The following GALNT18 variants were observed in gnomAD, a reference collection of about 807,000 sequenced individuals.
GALNT18 encodes the protein polypeptide N-acetylgalactosaminyltransferase 18, also known as GalNAc-transferase 18.
A neutral mutation model predicts 69.5 loss-of-function variants in GALNT18; 44 were observed. The observed-to-expected ratio is 0.63, with a 90% CI of 0.50 to 0.81. The LOEUF is 0.81. GALNT18 is among the 40% of genes least tolerant of loss of function. The pLI, the probability that GALNT18 is intolerant of heterozygous loss-of-function variation, is 0.00. For synonymous variants in GALNT18, 364 were observed against 318.2 expected (o/e 1.14, Z -1.53); for missense variants, 715 against 810.0 (o/e 0.88, Z 1.42).
rs535708079 is a variant in GALNT18 at position 11,590,094 on chromosome 11, G to A, written c.235+31265C>T. Reference sequence around the variant, plus strand: ...ACCAATGCAGCATGGTCATGTGGCAGACACTGCTGTGTGTTCACTAAAACC... The same window carrying A: ...ACCAATGCAGCATGGTCATGTGGCAAACACTGCTGTGTGTTCACTAAAACC... On this transcript the variant is annotated intron_variant, in intron 1 of 10. Transcript: ENST00000227756. The surrounding 1 kb of genome is among the most constrained non-coding windows in gnomAD (Gnocchi z 4.4). 1.3e-5 allele frequency among the ~76,000 whole-genome samples: 2 copies of A among 152,366 alleles called. No homozygotes were observed. Among genetic ancestry groups the A allele is most frequent in the East Asian group, 3.9e-4 (2 of 5,188 alleles).
rs1267905503 is a variant in GALNT18 at position 11,320,688 on chromosome 11, T to C, written c.1512+6398A>G. Among the ~76,000 whole-genome samples, 1 of 152,118 alleles carries C rather than the reference T, an allele frequency of 6.6e-6. No individual in the cohort carries two copies. The highest frequency in any genetic ancestry group is 1.5e-5 in the Non-Finnish European group (1 of 68,010). ...GGAAGCCTTGCCAGACAGCAGCCCC[T>C]TACCTTTCACTCATCCCCTGCCCCT... is the stretch of plus-strand genomic sequence containing the variant. On this transcript the variant is annotated intron_variant, in intron 9 of 10. Transcript: ENST00000227756. This position sits in a 1 kb window ranked among gnomAD's most constrained non-coding sequence, Gnocchi z 4.9.
Position 11,372,539 on chromosome 11 carries a change from G to A in GALNT18, c.1068C>T (p.Gly356=), listed in dbSNP as rs373710256. The A allele has an allele frequency of 2.2e-5, 35 of 1,613,922 alleles. No individual in the cohort carries two copies. In the Middle Eastern group the frequency reaches 4.9e-4, roughly 23 times the overall value. The change falls in exon 6 of 11, where the codon GGC becomes GGT. Residue 356 remains glycine (G), a synonymous_variant. Transcript: ENST00000227756. This position sits in a 1 kb window ranked among gnomAD's most constrained non-coding sequence, Gnocchi z 4.9. ...CCCTGATCCCAAGCTCCACATTCTCGCCCCCGTAGACTTCCATGCCTTCGT... is the reference window on the plus strand; with the variant it reads ...CCCTGATCCCAAGCTCCACATTCTCACCCCCGTAGACTTCCATGCCTTCGT... ...LLDEGMEVYG[G]ENVELGIRVW... is the part of the protein sequence containing the mutation.
Position 11,274,429 on chromosome 11 carries a change from C to T in GALNT18, c.1678-3139G>A, listed in dbSNP as rs147043783. Among the ~76,000 whole-genome samples, 18 of 152,288 alleles carry T rather than the reference C, an allele frequency of 1.2e-4. No homozygotes were observed. The East Asian group carries it at 1.5e-3, about 13-fold the overall frequency. ...TCCCACTCCCACAGAGCCCAGCAAG[C>T]GAAAATCCACTGGCTTGAAATTCTC... On this transcript the variant is annotated intron_variant, in intron 10 of 10. Coordinates refer to ENST00000227756, the MANE Select transcript of GALNT18 (RefSeq NM_198516.3).
In GALNT18 at chr11:11,541,371, C is replaced by T. The variant is rs12280676; in HGVS notation, c.235+79988G>A. The stretch of plus-strand genomic sequence containing the variant: ...TCACCACCGTTATGATGATGATCTC[C>T]GCCTTCAGTACCTCTCCCTGGCTCT... On this transcript the variant is annotated intron_variant, in intron 1 of 10. Coordinates refer to ENST00000227756, the MANE Select transcript of GALNT18 (RefSeq NM_198516.3). This position sits in a 1 kb window ranked among gnomAD's most constrained non-coding sequence, Gnocchi z 4.8. Among the ~76,000 whole-genome samples the T allele has an allele frequency of 3.9e-3, 591 of 152,270 alleles. 3 individuals are homozygous for T. Among genetic ancestry groups the T allele is most frequent in the African/African-American group, 0.013 (526 of 41,544 alleles).
intron 10 of GALNT18, among the ~76,000 whole-genome samples, chr11:11,278,152 C>T (rs975941767): frequency 2.6e-5 from 4 of 152,008 alleles, no homozygotes; most frequent in Non-Finnish European, 2.9e-5. Context: ...CATTTTAGGT[C>T]TCTAAGAACT....
chr11:11,520,007 C>T (rs1857360319), intron 1 of GALNT18, among the ~76,000 whole-genome samples: 2 of 152,320 alleles, frequency 1.3e-5, no homozygotes, highest in South Asian at 4.1e-4. Flanking sequence ...AAGGAGGGGT[C>T]CAAGAGCTAG....
intron 1 of GALNT18, among the ~76,000 whole-genome samples, chr11:11,549,323 A>G (rs953533403): frequency 3.9e-5 from 6 of 152,232 alleles, no homozygotes; most frequent in African/African-American, 1.2e-4. Flanking sequence ...ATACACTTCT[A>G]TCTTGCTTAA....
intron 6 of GALNT18, among the ~76,000 whole-genome samples, chr11:11,342,733 A>G (rs1314703207): frequency 6.6e-6 from 1 of 152,224 alleles, no homozygotes; most frequent in African/African-American, 2.4e-5. Flanking sequence ...TGGGTGGGTT[A>G]TGAACAGGGC....
intron 1 of GALNT18, among the ~76,000 whole-genome samples, chr11:11,502,180 T>C (rs1381020727): frequency 1.3e-5 from 2 of 152,142 alleles, no homozygotes; most frequent in African/African-American, 2.4e-5. Flanking sequence ...TCAGACGGCA[T>C]GAATAAGATG....
intron 1 of GALNT18, among the ~76,000 whole-genome samples, chr11:11,490,552 A>G (rs1173599275): frequency 6.6e-6 from 1 of 152,250 alleles, no homozygotes; most frequent in Non-Finnish European, 1.5e-5. Flanking sequence ...TATTAAACAC[A>G]TAAGAAATGA....
At chr11:11,479,879 A>G (rs1336869641) in intron 1 of GALNT18, among the ~76,000 whole-genome samples, 1 of 152,150 alleles carries the variant, frequency 6.6e-6, no homozygotes, top group Non-Finnish European at 1.5e-5. Context: ...CTCATTTAAA[A>G]TAGCTATGCT....
In GALNT18 at chr11:11,590,717, C is replaced by T. The variant is rs560431336; in HGVS notation, c.235+30642G>A. On this transcript the variant is annotated intron_variant, in intron 1 of 10. Coordinates refer to ENST00000227756, the MANE Select transcript of GALNT18 (RefSeq NM_198516.3). The surrounding 1 kb of genome is among the most constrained non-coding windows in gnomAD (Gnocchi z 4.4). The stretch of plus-strand genomic sequence containing the variant: ...CAGAACACATATACAATGGTGGTCC[C>T]GTAAGATTACAATGGAGCCCAAAAA... 5.9e-5 allele frequency among the ~76,000 whole-genome samples: 9 copies of T among 152,204 alleles called. No individual in the cohort carries two copies. The highest frequency in any genetic ancestry group is 2.1e-4 in the South Asian group (1 of 4,818).
At chr11:11,495,701 A>T (rs1564978647) in intron 1 of GALNT18, among the ~76,000 whole-genome samples, 1 of 152,196 alleles carries the variant, frequency 6.6e-6, no homozygotes, top group Non-Finnish European at 1.5e-5. Context: ...TACATAGAAA[A>T]CTTGAAGACC....
rs1409609697 is a variant in GALNT18, at chr11:11,586,469, A to G, written c.235+34890T>C. On this transcript the variant is annotated intron_variant, in intron 1 of 10. Transcript: ENST00000227756. The surrounding 1 kb of genome is among the most constrained non-coding windows in gnomAD (Gnocchi z 4.1). ...CTGGCTTAAACTATAGCTAAAAGAT[A>G]GGAAATTCTACCTGTTCAGGGCCCA... Among the ~76,000 whole-genome samples the G allele has an allele frequency of 6.6e-6, 1 of 152,178 alleles. No individual in the cohort carries two copies. The highest frequency in any genetic ancestry group is 1.5e-5 in the Non-Finnish European group (1 of 68,034).
intron 9 of GALNT18, among the ~76,000 whole-genome samples, chr11:11,301,841 G>A (rs943296318): frequency 3.9e-5 from 6 of 152,192 alleles, no homozygotes; most frequent in Non-Finnish European, 7.3e-5. Flanking sequence ...TCAGCCTGGC[G>A]GAGAGACAGA....
Position 11,486,440 on chromosome 11 carries a change from T to C in GALNT18, c.236-37504A>G, listed in dbSNP as rs184016206. 2.5e-3 allele frequency among the ~76,000 whole-genome samples: 388 copies of C among 152,314 alleles called. 1 individual carries two copies. The highest frequency in any genetic ancestry group is 8.9e-3 in the African/African-American group (372 of 41,566). ...CACCCCTGTCAAGAAGGGGCAGAGA[T>C]GAGGAGTAGATCTGAAAGTTAAATC... On this transcript the variant is annotated intron_variant, in intron 1 of 10. Coordinates refer to ENST00000227756, the MANE Select transcript of GALNT18 (RefSeq NM_198516.3).
chr11:11,524,098 C>T (rs112187905), intron 1 of GALNT18, among the ~76,000 whole-genome samples: 90 of 152,020 alleles, frequency 5.9e-4, no homozygotes, highest in African/African-American at 1.9e-3. Context: ...TAGACCTGGC[C>T]CTAAATCCAA....
At chr11:11,599,031 A>G (rs912387197) in intron 1 of GALNT18, among the ~76,000 whole-genome samples, 2 of 151,552 alleles carry the variant, frequency 1.3e-5, no homozygotes, top group East Asian at 3.9e-4. Context: ...ATTCTGGATA[A>G]TTTTCCATAT....
chr11:11,432,784 G>T lies in GALNT18; in HGVS notation c.432C>A (p.Cys144Ter). Residue 144 changes from cysteine to a stop codon, truncating the protein, a stop_gained, in exon 3 of 11, where the codon TGC (cysteine) becomes TGA (stop). Coordinates refer to ENST00000227756, the MANE Select transcript of GALNT18 (RefSeq NM_198516.3). LOFTEE classifies it high-confidence loss of function. The surrounding 1 kb of genome is among the most constrained non-coding windows in gnomAD (Gnocchi z 5.8). ...RPLPDLRPSG[C>*]RNLSFPDSLP... ...GGCTGTCAGGAAATGAGAGGTTACG[G>T]CACCTGCAAAGAACAGCCAAGCGCT... The T allele has an allele frequency of 6.2e-7, 1 of 1,613,582 alleles. No homozygotes were observed. Among genetic ancestry groups the T allele is most frequent in the East Asian group, 2.2e-5 (1 of 44,848 alleles).
Sources: gnomAD v4.1 joint callset for allele counts (sites outside exome capture counted in the v4.1 genomes callset) on GRCh38, gnomAD v4.1.1 for gene constraint, Gnocchi (gnomAD v3.1) non-coding constraint, MANE v1.5 for transcripts, NCBI Gene and HGNC (gene_info 2026-07-23, HGNC 2026-07-21) for gene names.